CNNM4: variants seen among roughly 807,000 people sequenced by gnomAD.
The protein encoded by CNNM4 is cyclin and CBS domain divalent metal cation transport mediator 4.
A neutral mutation model predicts 53.7 loss-of-function variants in CNNM4; 32 were observed. The observed-to-expected ratio is 0.60, with a 90% CI of 0.45 to 0.80. The LOEUF (loss-of-function observed/expected upper bound fraction) is 0.80, where lower values mean the gene tolerates loss of function less well. CNNM4 is among the 30% of genes least tolerant of loss of function. CNNM4 has a pLI of 0.00. For synonymous variants in CNNM4, 410 were observed against 440.0 expected (o/e 0.93, Z 0.85); for missense variants, 784 against 1,022.0 (o/e 0.77, Z 3.17).
At chr2:96,774,645 C>T (rs1489446214) in intron 1 of CNNM4, among the ~76,000 whole-genome samples, 11 of 152,020 alleles carry the variant, frequency 7.2e-5, no homozygotes. Flanking sequence ...TGCAGTGTCT[C>T]CTTGCAGTGA....
At chr2:96,806,889 C>G (rs2079213613) in intron 5 of CNNM4, among the ~76,000 whole-genome samples, 1 of 152,152 alleles carries the variant, frequency 6.6e-6, no homozygotes, top group Non-Finnish European at 1.5e-5. Context: ...TGTTACAACT[C>G]TGCCTCATGA....
intron 1 of CNNM4, among the ~76,000 whole-genome samples, chr2:96,795,018 A>C (rs2079090627): frequency 6.6e-6 from 1 of 152,270 alleles, no homozygotes; most frequent in Non-Finnish European, 1.5e-5. Flanking sequence ...TCAGATTTTC[A>C]GATTTGGGAT....
chr2:96,793,403 AAC>A (rs1035584172), intron 1 of CNNM4, among the ~76,000 whole-genome samples: 1 of 152,226 alleles, frequency 6.6e-6, no homozygotes, highest in African/African-American at 2.4e-5. Context: ...CTTAGGCTGG[AAC>A]CTCTGTACGG....
At chr2:96,776,304 A>G (rs957381564) in intron 1 of CNNM4, among the ~76,000 whole-genome samples, 3 of 152,000 alleles carry the variant, frequency 2.0e-5, no homozygotes, top group African/African-American at 7.3e-5. Context: ...CTGGGATTAC[A>G]GGCGTGAGCC....
In CNNM4 at chr2:96,761,698, G is replaced by A. The variant is rs2078765203; in HGVS notation, c.699G>A (p.Glu233=). 1 of 1,609,644 alleles carries A rather than the reference G, an allele frequency of 6.2e-7. No individual in the cohort carries two copies. The highest frequency in any genetic ancestry group is 1.3e-5 in the African/African-American group (1 of 74,850). The change falls in exon 1 of 7, where the codon GAG becomes GAA. Residue 233 remains glutamate, a synonymous_variant. Transcript: ENST00000377075. The surrounding 1 kb of genome is among the most constrained non-coding windows in gnomAD (Gnocchi z 6.0). ...EKERRYARKI[E]PIRRKGNYLL... ...AGAGGCGCTATGCCCGCAAGATTGA[G>A]CCCATCCGGCGCAAGGGCAACTACC...
rs2078754922 is a variant in CNNM4 at position 96,761,017 on chromosome 2, G to A, written c.18G>A (p.Gly6=). The part of the protein sequence containing the change: MAPVG[G]GGRPVGGPAR... Reference sequence around the variant, plus strand: ...AGAGCAACATGGCGCCGGTGGGCGGGGGCGGGCGCCCGGTCGGCGGACCGG... The same window carrying A: ...AGAGCAACATGGCGCCGGTGGGCGGAGGCGGGCGCCCGGTCGGCGGACCGG... The change falls in exon 1 of 7, where the codon GGG becomes GGA. Residue 6 remains glycine (G), a synonymous_variant. Coordinates refer to ENST00000377075, the MANE Select transcript of CNNM4 (RefSeq NM_020184.4). This position sits in a 1 kb window ranked among gnomAD's most constrained non-coding sequence, Gnocchi z 6.0. 13 of 1,184,090 alleles carry A rather than the reference G, an allele frequency of 1.1e-5. No individual in the cohort carries two copies. In the South Asian group the frequency reaches 3.8e-4, roughly 34 times the overall value. 73.3% of individuals were successfully genotyped at this position (1,184,090 alleles called of 1,614,324 possible).
In CNNM4 at chr2:96,779,057, C is replaced by T. The variant is rs188042739; in HGVS notation, c.1402+16656C>T. 9.3e-4 allele frequency among the ~76,000 whole-genome samples: 141 copies of T among 151,958 alleles called. 1 individual carries two copies. The highest frequency in any genetic ancestry group is 2.4e-3 in the Admixed American group (37 of 15,270). ...CTGCAAGCTCTGCCTCCTGGCTTCA[C>T]GCCATTCTCCTGCCTCAGCCTCTTG... On this transcript the variant is annotated intron_variant, in intron 1 of 6. Coordinates refer to ENST00000377075, the MANE Select transcript of CNNM4 (RefSeq NM_020184.4).
chr2:96,772,850 C>T (rs931895603), intron 1 of CNNM4, among the ~76,000 whole-genome samples: 9 of 147,876 alleles, frequency 6.1e-5, no homozygotes, highest in Non-Finnish European at 1.2e-4. Context: ...CCCACCCATG[C>T]TCACACACCC....
At chr2:96,790,207 C>T (rs1416893387) in intron 1 of CNNM4, among the ~76,000 whole-genome samples, 1 of 150,648 alleles carries the variant, frequency 6.6e-6, no homozygotes, top group Non-Finnish European at 1.5e-5. Context: ...GGGGTTTCAC[C>T]GTGTTAGCCA....
intron 1 of CNNM4, among the ~76,000 whole-genome samples, chr2:96,787,217 T>C (rs961776612): frequency 2.0e-5 from 3 of 152,222 alleles, no homozygotes; most frequent in African/African-American, 4.8e-5. Flanking sequence ...TTGCATATTT[T>C]ACATTTTGGC....
intron 5 of CNNM4, among the ~76,000 whole-genome samples, chr2:96,806,273 T>C (rs2079205098): frequency 6.6e-6 from 1 of 152,096 alleles, no homozygotes; most frequent in Admixed American, 6.5e-5. Flanking sequence ...ATCTACAAAA[T>C]ACAGAGCTAC....
In CNNM4 at chr2:96,797,209, T is replaced by G; in HGVS notation, c.1546+54T>G. ...ACCCCTTTCCTGCTTGGATCGAAAC[T>G]TGGTGTCCCTAGCTGGAAGGGCCAT... is the stretch of plus-strand genomic sequence containing the variant. On this transcript the variant is annotated intron_variant, in intron 2 of 6. Coordinates refer to ENST00000377075, the MANE Select transcript of CNNM4 (RefSeq NM_020184.4). This position sits in a 1 kb window ranked among gnomAD's most constrained non-coding sequence, Gnocchi z 6.0. 6.2e-7 allele frequency: 1 copy of G among 1,610,604 alleles called. No individual in the cohort carries two copies. Among genetic ancestry groups the G allele is most frequent in the Non-Finnish European group, 8.5e-7 (1 of 1,178,128 alleles).
chr2:96,782,768 CA>C (rs1373797348), intron 1 of CNNM4, among the ~76,000 whole-genome samples: 2 of 152,124 alleles, frequency 1.3e-5, no homozygotes, highest in African/African-American at 4.8e-5. Context: ...AGCTAATTTT[CA>C]TTTCTTTTGT....
chr2:96,801,684 C>A lies in CNNM4; in HGVS notation c.1948+2036C>A, dbSNP rs144118000. ...CACACACACACACACAGAGACCACA[C>A]GCAGAGAGACCACACACACGCAGAG... On this transcript the variant is annotated intron_variant, in intron 5 of 6. Coordinates refer to ENST00000377075, the MANE Select transcript of CNNM4 (RefSeq NM_020184.4). This position sits in a 1 kb window ranked among gnomAD's most constrained non-coding sequence, Gnocchi z 5.6. Among the ~76,000 whole-genome samples, 1 of 148,388 alleles carries A rather than the reference C, an allele frequency of 6.7e-6. No individual in the cohort carries two copies. The highest frequency in any genetic ancestry group is 1.5e-5 in the Non-Finnish European group (1 of 66,892).
At chr2:96,798,178 A>C (rs906398460) in intron 3 of CNNM4, 2 of 226,384 alleles carry the variant, frequency 8.8e-6, no homozygotes, top group African/African-American at 4.6e-5. Flanking sequence ...AGCTGCAGTA[A>C]GTTGTGAATG....
chr2:96,781,510 G>A (rs917107408), intron 1 of CNNM4, among the ~76,000 whole-genome samples: 1 of 152,242 alleles, frequency 6.6e-6, no homozygotes, highest in African/African-American at 2.4e-5. Flanking sequence ...CACCATGCCC[G>A]CACCTGATTA....
At chr2:96,786,729 GGATC>G (rs1296150994) in intron 1 of CNNM4, among the ~76,000 whole-genome samples, 4 of 145,666 alleles carry the variant, frequency 2.7e-5, no homozygotes, top group Admixed American at 2.1e-4. Context: ...CAGTGAGCTG[GGATC>G]GCACCACTGC....
At chr2:96,786,430 T>C (rs1451954411) in intron 1 of CNNM4, among the ~76,000 whole-genome samples, 1 of 135,010 alleles carries the variant, frequency 7.4e-6, no homozygotes, top group African/African-American at 2.8e-5. Context: ...AAAAAAAAAG[T>C]TCTTAAAAAG....
rs2079139494 is a variant in CNNM4 at position 96,799,549 on chromosome 2, C to T, written c.1852-3C>T. On this transcript the variant is annotated splice_polypyrimidine_tract_variant and splice_region_variant and intron_variant, in intron 4 of 6. Transcript: ENST00000377075. Reference sequence around the variant, plus strand: ...CTCTAACTCCAGCCCTGTGTTTTTTCAGGGGAAGGTGGAGGTGGAGGCAGG... The same window carrying T: ...CTCTAACTCCAGCCCTGTGTTTTTTTAGGGGAAGGTGGAGGTGGAGGCAGG... 6.4e-7 allele frequency: 1 copy of T among 1,553,570 alleles called. No individual in the cohort carries two copies.
Sources: allele counts gnomAD v4.1 joint callset (sites outside exome capture counted in the v4.1 genomes callset), GRCh38; gene constraint gnomAD v4.1.1; non-coding constraint Gnocchi (gnomAD v3.1); transcripts MANE v1.5; gene names NCBI Gene and HGNC (gene_info 2026-07-23, HGNC 2026-07-21).